PAK1: variants seen among roughly 807,000 people sequenced by gnomAD.
The protein encoded by PAK1 is p21 (RAC1) activated kinase 1, also known as serine/threonine-protein kinase PAK 1.
Under a neutral mutation model 67.4 loss-of-function variants are expected in PAK1, and 29 were observed. That is an observed-to-expected ratio of 0.43 (90% CI 0.32 to 0.59). The LOEUF is 0.59. PAK1 is among the 20% of genes least tolerant of loss of function. The probability of loss-of-function intolerance (pLI) is 0.07; values close to 1 mark genes in which losing one functional copy is unlikely to be tolerated. For missense variants in PAK1, 337 were observed against 670.7 expected (o/e 0.50, Z 5.50); for synonymous variants, 223 against 237.4 (o/e 0.94, Z 0.56).
chr11:77,490,643 T>G, the PAK1 span, among the ~76,000 whole-genome samples: 1 of 152,150 alleles, frequency 6.6e-6, no homozygotes, highest in African/African-American at 2.4e-5. Context: ...AACAGCTCAT[T>G]GAGAACGGGC....
At chr11:77,323,795 A>T (rs1051997552) in intron 14 of PAK1, among the ~76,000 whole-genome samples, 2 of 152,214 alleles carry the variant, frequency 1.3e-5, no homozygotes, top group Admixed American at 1.3e-4. Context: ...AATGGGTTGA[A>T]TCTCACAGAC....
At chr11:77,334,858 CA>C (rs1004867812) in intron 13 of PAK1, among the ~76,000 whole-genome samples, 2 of 152,168 alleles carry the variant, frequency 1.3e-5, no homozygotes, top group African/African-American at 4.8e-5. Context: ...CATGCCATCT[CA>C]ATGTCCTCTT....
chr11:77,325,223 C>T (rs1394896112), intron 14 of PAK1: 3 of 1,416,438 alleles, frequency 2.1e-6, no homozygotes, highest in East Asian at 2.3e-5. Flanking sequence ...TAGATGAGCC[C>T]TAAGGGCTTC....
intron 5 of PAK1, among the ~76,000 whole-genome samples, chr11:77,370,780 T>C (rs1022303852): frequency 3.3e-5 from 5 of 152,230 alleles, no homozygotes; most frequent in African/African-American, 1.2e-4. Context: ...GGCACATGAA[T>C]TCAGTTTACT....
chr11:77,329,482 C>G (rs541725933), intron 14 of PAK1, among the ~76,000 whole-genome samples: 1 of 152,152 alleles, frequency 6.6e-6, no homozygotes, highest in African/African-American at 2.4e-5. Flanking sequence ...GTTCAACATA[C>G]GCAAATCAAT....
chr11:77,402,675 G>A (rs912683492), intron 1 of PAK1, among the ~76,000 whole-genome samples: 4 of 152,048 alleles, frequency 2.6e-5, no homozygotes, highest in African/African-American at 9.7e-5. Context: ...GAAATCTATC[G>A]TACTGTCTCC....
intron 9 of PAK1, among the ~76,000 whole-genome samples, chr11:77,345,720 TGTCTATAACAGCTGAGCATTA>T (rs1301692004): frequency 2.0e-5 from 3 of 152,232 alleles, no homozygotes; most frequent in Non-Finnish European, 2.9e-5. Context: ...TGGCTGCAGC[TGTCTATAACAGCTGAGCATTA>T]GTTTTTCCTA....
intron 1 of PAK1, among the ~76,000 whole-genome samples, chr11:77,416,870 G>T (rs1475188923): frequency 6.6e-6 from 1 of 152,028 alleles, no homozygotes; most frequent in East Asian, 1.9e-4. Context: ...GGAGAATGGT[G>T]TGAAACCAGG....
rs145044760 is a variant in PAK1 at position 77,344,506 on chromosome 11, A to G, written c.886-575T>C. Reference sequence around the variant, plus strand: ...AAATAAAAACAAATTTCCAGACAACATGAATATATGGTATACGTTAGTTTC... The same window carrying G: ...AAATAAAAACAAATTTCCAGACAACGTGAATATATGGTATACGTTAGTTTC... On this transcript the variant is annotated intron_variant, in intron 9 of 14. Transcript: ENST00000356341. 6.4e-4 allele frequency among the ~76,000 whole-genome samples: 97 copies of G among 152,320 alleles called. 1 individual carries two copies. The East Asian group carries it at 0.015, about 24-fold the overall frequency.
intron 5 of PAK1, among the ~76,000 whole-genome samples, chr11:77,361,549 G>A (rs1370484079): frequency 6.6e-6 from 1 of 151,894 alleles, no homozygotes; most frequent in Non-Finnish European, 1.5e-5. Flanking sequence ...GAGTAGAACA[G>A]TGATGTAATC....
At chr11:77,454,331 C>T (rs1424554581) in intron 1 of PAK1, among the ~76,000 whole-genome samples, 2 of 152,288 alleles carry the variant, frequency 1.3e-5, no homozygotes, top group Middle Eastern at 3.4e-3. Context: ...TATAACCTAT[C>T]TCCTTCATTG....
chr11:77,393,086 T>G (rs1326624288), intron 1 of PAK1, among the ~76,000 whole-genome samples: 2 of 152,056 alleles, frequency 1.3e-5, no homozygotes, highest in Non-Finnish European at 2.9e-5. Context: ...CCACACCCAT[T>G]CATTTATAAA....
In PAK1 at chr11:77,473,741, G is replaced by T. The variant is rs1032400055; in HGVS notation, c.-211C>A. On this transcript the variant is annotated 5_prime_UTR_variant, in exon 1 of 15. Transcript: ENST00000356341. The stretch of plus-strand genomic sequence containing the variant: ...AACTGCGAGGGAAGGGATGATGGGG[G>T]GGCGGGAGGGAGCGAGGCGACGCGG... 1 of 151,660 alleles carries T rather than the reference G, an allele frequency of 6.6e-6. No individual in the cohort carries two copies. Among genetic ancestry groups the T allele is most frequent in the Non-Finnish European group, 1.5e-5 (1 of 67,928 alleles). The allele number at this position is 151,660 out of a possible 1,614,324, so 9.4% of individuals were successfully genotyped here.
chr11:77,518,699 G>A, the PAK1 span, among the ~76,000 whole-genome samples: 4 of 152,080 alleles, frequency 2.6e-5, no homozygotes, highest in Admixed American at 2.0e-4. Flanking sequence ...CACCAGATGT[G>A]CTTTTGTGGC....
intron 7 of PAK1, among the ~76,000 whole-genome samples, 199 bp downstream of exon 7, chr11:77,355,469 A>C (rs535679429): frequency 6.6e-6 from 1 of 152,260 alleles, no homozygotes; most frequent in Admixed American, 6.5e-5. Context: ...CTCTCACCAC[A>C]TCTCCATCCT....
the PAK1 span, among the ~76,000 whole-genome samples, chr11:77,485,976 A>C: frequency 6.6e-6 from 1 of 152,062 alleles, no homozygotes; most frequent in Non-Finnish European, 1.5e-5. Flanking sequence ...TATTCTGGGG[A>C]TTATTCCTGG....
intron 1 of PAK1, among the ~76,000 whole-genome samples, chr11:77,459,690 CTTTTTTTTT>C (rs755731892): frequency 1.5e-5 from 2 of 134,562 alleles, no homozygotes; most frequent in African/African-American, 5.7e-5. Context: ...TCTTCTTCTT[CTTTTTTTTT>C]TTTTTTTTTT....
chr11:77,415,561 T>C (rs1258418646), intron 1 of PAK1, among the ~76,000 whole-genome samples: 7 of 152,076 alleles, frequency 4.6e-5, no homozygotes, highest in Admixed American at 2.0e-4. Context: ...AGTATTTGTG[T>C]ATCTAAACAT....
chr11:77,441,218 T>A (rs1055900747), intron 1 of PAK1, among the ~76,000 whole-genome samples: 2 of 150,954 alleles, frequency 1.3e-5, no homozygotes, highest in African/African-American at 2.4e-5. Flanking sequence ...AAAAAAAAAA[T>A]CTAAAGGAAA....
Sources: gnomAD v4.1 joint callset for allele counts (sites outside exome capture counted in the v4.1 genomes callset) on GRCh38, gnomAD v4.1.1 for gene constraint, MANE v1.5 for transcripts, NCBI Gene and HGNC (gene_info 2026-07-23, HGNC 2026-07-21) for gene names.